GMDS: variants seen among roughly 807,000 people sequenced by gnomAD.
The protein encoded by GMDS is GDP-mannose 4,6 dehydratase.
A neutral mutation model predicts 49.9 loss-of-function variants in GMDS; 20 were observed. The ratio of observed to expected loss-of-function variants is 0.40; its 90% CI spans 0.28 to 0.58. The LOEUF (loss-of-function observed/expected upper bound fraction) is 0.58, where lower values mean the gene tolerates loss of function less well. Among genes scored for constraint, GMDS ranks in the 20% least tolerant of loss-of-function variants. The pLI, the probability that GMDS is intolerant of heterozygous loss-of-function variation, is 0.42. For missense variants in GMDS, 362 were observed against 481.4 expected, an observed-to-expected ratio of 0.75 and a Z score of 2.32; for synonymous variants, 177 against 178.6, an observed-to-expected ratio of 0.99 and a Z score of 0.07.
At position 2,191,690 on chromosome 6, in the gene GMDS, C is replaced by G. The variant is rs771542264; in HGVS notation, c.102+53631G>C. ...CTGCCACCTCAGCTCCCTCCAGACT[C>G]TGTGTGCTGACAAGCATGGGATGTG... On this transcript the variant is annotated intron_variant, in intron 1 of 10. Coordinates refer to ENST00000380815, the MANE Select transcript of GMDS (RefSeq NM_001500.4). The surrounding 1 kb of genome is among the most constrained non-coding windows in gnomAD (Gnocchi z 4.6). 4.0e-4 allele frequency among the ~76,000 whole-genome samples: 61 copies of G among 152,328 alleles called. No individual in the cohort carries two copies. Among genetic ancestry groups the G allele is most frequent in the Admixed American group, 9.8e-4 (15 of 15,306 alleles).
At position 2,131,955 on chromosome 6, in the gene GMDS, G is replaced by A. The variant is rs186510871; in HGVS notation, c.103-7224C>T. 3.3e-3 allele frequency among the ~76,000 whole-genome samples: 506 copies of A among 152,174 alleles called. 1 individual carries two copies. The highest frequency in any genetic ancestry group is 0.017 in the Middle Eastern group (5 of 294). On this transcript the variant is annotated intron_variant, in intron 1 of 10. Coordinates refer to ENST00000380815, the MANE Select transcript of GMDS (RefSeq NM_001500.4). The stretch of plus-strand genomic sequence containing the variant: ...CCTACTATCACTACAAATGATGACA[G>A]CAGTACTAAGAAGGATAGTGAGCAC...
chr6:1,726,570 C>A, intron 8 of GMDS, 58 bp from the exon 9 acceptor site: 1 of 1,270,800 alleles, frequency 7.9e-7, no homozygotes, highest in Non-Finnish European at 1.2e-6. Context: ...TTTGGCCATG[C>A]TGTAGCACCT....
intron 7 of GMDS, among the ~76,000 whole-genome samples, chr6:1,804,366 C>CT (rs1770080464): frequency 6.6e-6 from 1 of 152,272 alleles, no homozygotes; most frequent in Admixed American, 6.5e-5. Flanking sequence ...GGCTGGCCAG[C>CT]GGGCAGATGC....
chr6:2,166,235 T>C (rs1777664531), intron 1 of GMDS, among the ~76,000 whole-genome samples: 1 of 152,220 alleles, frequency 6.6e-6, no homozygotes, highest in Non-Finnish European at 1.5e-5. Context: ...TTCACTCCTA[T>C]ACTGAATATC....
At chr6:1,927,737 T>C (rs1382132540) in intron 7 of GMDS, among the ~76,000 whole-genome samples, 1 of 152,194 alleles carries the variant, frequency 6.6e-6, no homozygotes, top group African/African-American at 2.4e-5. Flanking sequence ...TTCTTTCAGA[T>C]CTACTCGTTG....
At chr6:1,624,306 C>G (rs1762777474) in intron 10 of GMDS, 75 bp from the exon 11 acceptor site, 1 of 1,416,528 alleles carries the variant, frequency 7.1e-7, no homozygotes, top group Admixed American at 1.8e-5. Flanking sequence ...CGGGTGTCGG[C>G]CCCAGAGAGG....
intron 9 of GMDS, among the ~76,000 whole-genome samples, chr6:1,652,409 T>TAATATATATATATATTATATATATA (rs1464791165): frequency 1.1e-3 from 2 of 1,834 alleles, no homozygotes; most frequent in Non-Finnish European, 2.9e-3. Context: ...TATATATATA[T>TAATATATATATATATTATATATATA]TATATATAAT....
chr6:2,141,616 GAGGGGAAGA>G (rs1776292286), intron 1 of GMDS, among the ~76,000 whole-genome samples: 1 of 152,164 alleles, frequency 6.6e-6, no homozygotes, highest in East Asian at 1.9e-4. Context: ...ATGAAGAGGG[GAGGGGAAGA>G]AACTACTGCC....
intron 4 of GMDS, among the ~76,000 whole-genome samples, chr6:2,078,546 T>C (rs924380407): frequency 2.0e-5 from 3 of 152,128 alleles, no homozygotes; most frequent in Admixed American, 1.3e-4. Context: ...CAGGAACATG[T>C]TGTTTAATTC....
At chr6:2,006,216 G>A (rs1581503593) in intron 4 of GMDS, among the ~76,000 whole-genome samples, 1 of 151,468 alleles carries the variant, frequency 6.6e-6, no homozygotes, top group East Asian at 1.9e-4. Context: ...GACCCCAGGA[G>A]TTTGAGACTG....
chr6:1,985,462 T>C (rs1216718742), intron 4 of GMDS, among the ~76,000 whole-genome samples: 1 of 152,146 alleles, frequency 6.6e-6, no homozygotes, highest in Non-Finnish European at 1.5e-5. Context: ...GAACATTTAC[T>C]ACAGAGAACA....
At chr6:1,674,567 T>C (rs1418832720) in intron 9 of GMDS, among the ~76,000 whole-genome samples, 13 of 138,666 alleles carry the variant, frequency 9.4e-5, no homozygotes, top group Admixed American at 3.6e-4. Context: ...TCTCTTTTTT[T>C]TTTTTTTTTT....
intron 7 of GMDS, among the ~76,000 whole-genome samples, chr6:1,906,405 A>AAC (rs1210001811): frequency 6.6e-6 from 1 of 152,174 alleles, no homozygotes; most frequent in African/African-American, 2.4e-5. Context: ...CCCACACCAA[A>AAC]ACACTAATTG....
At chr6:1,700,351 T>C (rs1387610195) in intron 9 of GMDS, among the ~76,000 whole-genome samples, 3 of 152,184 alleles carry the variant, frequency 2.0e-5, no homozygotes, top group Non-Finnish European at 4.4e-5. Flanking sequence ...CATTTTCATA[T>C]AGTCACAAAA....
At chr6:1,882,591 G>A (rs1018683444) in intron 7 of GMDS, among the ~76,000 whole-genome samples, 13 of 152,116 alleles carry the variant, frequency 8.5e-5, no homozygotes, top group African/African-American at 3.1e-4. Flanking sequence ...TGCATAGGGA[G>A]TTAAGAAAGA....
intron 7 of GMDS, among the ~76,000 whole-genome samples, chr6:1,789,406 C>T (rs548833923): frequency 1.1e-4 from 16 of 152,230 alleles, no homozygotes; most frequent in Admixed American, 2.6e-4. Context: ...ATTACAGAGA[C>T]GCTCCTATTA....
At chr6:1,631,401 AC>A (rs1434599218) in intron 9 of GMDS, among the ~76,000 whole-genome samples, 1 of 152,186 alleles carries the variant, frequency 6.6e-6, no homozygotes, top group African/African-American at 2.4e-5. Context: ...TACCTAGGCC[AC>A]AGGGGATCCT....
At chr6:1,806,865 A>G (rs1309855714) in intron 7 of GMDS, among the ~76,000 whole-genome samples, 1 of 152,196 alleles carries the variant, frequency 6.6e-6, no homozygotes, top group Non-Finnish European at 1.5e-5. Context: ...TATGTATGTC[A>G]TCAGGTTTAG....
intron 4 of GMDS, among the ~76,000 whole-genome samples, chr6:2,065,162 G>T (rs6923705): frequency 8.5e-5 from 13 of 152,166 alleles, no homozygotes; most frequent in Admixed American, 3.9e-4. Context: ...AGCAGGGGCA[G>T]ACTGACACCT....
Sources: gnomAD v4.1 joint callset for allele counts (sites outside exome capture counted in the v4.1 genomes callset) on GRCh38, gnomAD v4.1.1 for gene constraint, Gnocchi (gnomAD v3.1) non-coding constraint, MANE v1.5 for transcripts, NCBI Gene and HGNC (gene_info 2026-07-23, HGNC 2026-07-21) for gene names.